The following AOPEP variants were observed in gnomAD, a reference collection of about 807,000 sequenced individuals.
AOPEP encodes aminopeptidase O (putative).
Under a neutral mutation model 98.1 loss-of-function variants are expected in AOPEP, and 77 were observed. The ratio of observed to expected loss-of-function variants is 0.78; its 90% CI spans 0.65 to 0.95. The LOEUF is 0.95. AOPEP is among the 40% of genes least tolerant of loss of function. The probability of loss-of-function intolerance (pLI) is 0.00; values close to 1 mark genes in which losing one functional copy is unlikely to be tolerated. For missense variants in AOPEP, 1,024 were observed against 1,024.7 expected (o/e 1.00, Z 0.01); for synonymous variants, 346 against 365.3 (o/e 0.95, Z 0.60).
At chr9:95,093,066 T>C in the AOPEP span, among the ~76,000 whole-genome samples, 2 of 152,342 alleles carry the variant, frequency 1.3e-5, no homozygotes, top group South Asian at 4.1e-4. Flanking sequence ...CAAGTGTGCA[T>C]TTATGTTGGG....
At chr9:95,091,859 G>A (rs893009910), downstream of AOPEP, among the ~76,000 whole-genome samples, 1 of 152,190 alleles carries the variant, frequency 6.6e-6, no homozygotes, top group Admixed American at 6.5e-5. Context: ...CTTGGCACGT[G>A]TGCATGTGCG....
Position 94,961,019 on chromosome 9 carries a change from A to T in AOPEP, c.1872+5004A>T, listed in dbSNP as rs550961031. 2.0e-5 allele frequency among the ~76,000 whole-genome samples: 3 copies of T among 152,018 alleles called. 1 individual carries two copies. Among genetic ancestry groups the T allele is most frequent in the South Asian group, 4.2e-4 (2 of 4,802 alleles). ...ACAGAGCGAGAATCTGTCTCAAAAA[A>T]AAAAAAAAAAGAATGCTTGCCTGTT... On this transcript the variant is annotated intron_variant, in intron 9 of 16. Transcript: ENST00000375315.
chr9:95,092,081 T>TGTGC (rs1554825923), downstream of AOPEP, among the ~76,000 whole-genome samples: 5 of 140,612 alleles, frequency 3.6e-5, no homozygotes, highest in African/African-American at 1.1e-4. Context: ...TGTGTGTGTG[T>TGTGC]GCACACACAC....
At chr9:95,046,525 T>G (rs1373063422) in intron 13 of AOPEP, among the ~76,000 whole-genome samples, 1 of 152,246 alleles carries the variant, frequency 6.6e-6, no homozygotes, top group East Asian at 1.9e-4. Flanking sequence ...ATTGTAATGT[T>G]CTTATGCATT....
At chr9:95,107,971 T>C in the AOPEP span, among the ~76,000 whole-genome samples, 1 of 152,138 alleles carries the variant, frequency 6.6e-6, no homozygotes, top group Non-Finnish European at 1.5e-5. Flanking sequence ...GCTACAAGAA[T>C]GGTACACCCA....
chr9:94,981,794 G>A (rs2060203184), intron 11 of AOPEP, among the ~76,000 whole-genome samples: 5 of 152,110 alleles, frequency 3.3e-5, no homozygotes, highest in Admixed American at 3.3e-4. Flanking sequence ...CTTTGTTCTC[G>A]TAAAAATTTC....
At chr9:94,839,239 C>G (rs1225061426) in intron 5 of AOPEP, among the ~76,000 whole-genome samples, 1 of 152,116 alleles carries the variant, frequency 6.6e-6, no homozygotes, top group Non-Finnish European at 1.5e-5. Context: ...GCGCCCACCA[C>G]CACACCCGGC....
the AOPEP span, among the ~76,000 whole-genome samples, chr9:95,136,303 G>A: frequency 4.9e-4 from 74 of 152,182 alleles, no homozygotes; most frequent in African/African-American, 1.7e-3. Flanking sequence ...GGAGGCTGAG[G>A]CAGGAGGATC....
At chr9:95,106,190 G>C in the AOPEP span, among the ~76,000 whole-genome samples, 1 of 151,442 alleles carries the variant, frequency 6.6e-6, no homozygotes, top group Non-Finnish European at 1.5e-5. Flanking sequence ...GCTGCACTTT[G>C]CCTTTCCCTG....
rs1380466249 is a variant in AOPEP, at chr9:94,956,004, A to G, written c.1861A>G (p.Ile621Val). 6.2e-7 allele frequency: 1 copy of G among 1,608,984 alleles called. No homozygotes were observed. The highest frequency in any genetic ancestry group is 8.5e-7 in the Non-Finnish European group (1 of 1,175,838). ...TGTGCACACATTTCATGGACAGCTG[A>G]TTCTTTCCCAGGTAACTTATGGGTC... ...KFVHTFHGQL[I>V]LSQDFLQMLL... is the part of the protein sequence containing the mutation. Residue 621 changes from isoleucine (I) to valine (V), a missense_variant, in exon 9 of 17, where the codon ATT becomes GTT. Coordinates refer to ENST00000375315, the MANE Select transcript of AOPEP (RefSeq NM_001193329.3).
chr9:95,086,526 A>T, intron 16 of AOPEP, 156 bp from the exon 17 acceptor site: 2 of 985,272 alleles, frequency 2.0e-6, no homozygotes, highest in African/African-American at 1.7e-5. Flanking sequence ...GCTCGCTGTG[A>T]CCCGTCCCGG....
chr9:95,084,042 T>A (rs901201585), intron 16 of AOPEP, among the ~76,000 whole-genome samples: 2 of 152,338 alleles, frequency 1.3e-5, no homozygotes, highest in Admixed American at 1.3e-4. Flanking sequence ...ATCATCATTA[T>A]TTCTGTGTCT....
At chr9:94,885,084 C>T (rs555833034) in intron 5 of AOPEP, among the ~76,000 whole-genome samples, 1 of 151,298 alleles carries the variant, frequency 6.6e-6, no homozygotes, top group South Asian at 2.1e-4. Context: ...TGCAGTGGCT[C>T]ACGCCTGTAA....
the AOPEP span, chr9:95,106,972 C>T: frequency 1.6e-6 from 2 of 1,228,478 alleles, no homozygotes; most frequent in Non-Finnish European, 2.4e-6. Context: ...TCCTGGTACA[C>T]ACACTGTGCA....
At chr9:94,777,925 A>G (rs1173559401) in intron 3 of AOPEP, among the ~76,000 whole-genome samples, 1 of 152,076 alleles carries the variant, frequency 6.6e-6, no homozygotes, top group East Asian at 1.9e-4. Context: ...TGCCTGGCCT[A>G]TAAAGTATTC....
chr9:95,100,173 T>C, the AOPEP span: 1 of 232,836 alleles, frequency 4.3e-6, no homozygotes, highest in Non-Finnish European at 8.5e-6. Context: ...GTTTGTTATA[T>C]GAAGGCAAGG....
chr9:95,056,054 G>A (rs755438539), intron 13 of AOPEP, among the ~76,000 whole-genome samples: 15 of 152,190 alleles, frequency 9.9e-5, no homozygotes, highest in South Asian at 2.1e-4. Flanking sequence ...GGGGGAGGCC[G>A]TGGCTGTAAA....
intron 7 of AOPEP, among the ~76,000 whole-genome samples, chr9:94,941,072 A>G (rs2056961045): frequency 6.6e-6 from 1 of 152,244 alleles, no homozygotes; most frequent in Non-Finnish European, 1.5e-5. Flanking sequence ...TTCAACAGAG[A>G]TGCTCAAGCA....
intron 13 of AOPEP, among the ~76,000 whole-genome samples, chr9:95,006,948 C>T (rs1291101091): frequency 1.4e-5 from 2 of 146,694 alleles, no homozygotes; most frequent in South Asian, 2.2e-4. Context: ...GTCACCCAGG[C>T]TGGAGTGCAG....
Sources: allele counts gnomAD v4.1 joint callset (sites outside exome capture counted in the v4.1 genomes callset), GRCh38; gene constraint gnomAD v4.1.1; transcripts MANE v1.5; gene names NCBI Gene and HGNC (gene_info 2026-07-23, HGNC 2026-07-21).